BASP1: variants seen among roughly 807,000 people sequenced by gnomAD.
BASP1 encodes the protein brain acid soluble protein 1.
Under a neutral mutation model 2.2 loss-of-function variants are expected in BASP1, and 1 was observed. The ratio of observed to expected loss-of-function variants is 0.46; its 90% CI spans 0.16 to 2.17. BASP1 has a LOEUF of 2.17. Ranked by LOEUF, BASP1 falls within the 30% of genes most tolerant of loss-of-function variation. BASP1 has a pLI of 0.27. For missense variants in BASP1, 352 were observed against 327.2 expected (o/e 1.08, Z -0.58); for synonymous variants, 187 against 154.2 (o/e 1.21, Z -1.58).
intron 1 of BASP1, among the ~76,000 whole-genome samples, chr5:17,219,306 G>A (rs1336469411): frequency 6.6e-6 from 1 of 152,214 alleles, no homozygotes; most frequent in Non-Finnish European, 1.5e-5. Flanking sequence ...AGGAACAAAG[G>A]CGTTTGCCCT....
intron 1 of BASP1, among the ~76,000 whole-genome samples, chr5:17,261,058 G>A (rs1451942683): frequency 1.3e-5 from 2 of 152,120 alleles, no homozygotes; most frequent in Non-Finnish European, 2.9e-5. Flanking sequence ...AATGTAAAAG[G>A]CTTAGGCAAT....
At chr5:17,229,300 G>A (rs1441803363) in intron 1 of BASP1, among the ~76,000 whole-genome samples, 1 of 152,178 alleles carries the variant, frequency 6.6e-6, no homozygotes, top group Non-Finnish European at 1.5e-5. Context: ...GGCATGTCTT[G>A]TTAAATAAGG....
At chr5:17,259,732 T>C (rs1271125947) in intron 1 of BASP1, among the ~76,000 whole-genome samples, 1 of 152,208 alleles carries the variant, frequency 6.6e-6, no homozygotes, top group Non-Finnish European at 1.5e-5. Flanking sequence ...CAGTTATTTC[T>C]GGAGTAGGCA....
At chr5:17,270,302 C>T (rs925335053) in intron 1 of BASP1, among the ~76,000 whole-genome samples, 50 of 152,140 alleles carry the variant, frequency 3.3e-4, no homozygotes, top group African/African-American at 9.2e-4. Flanking sequence ...ACACAGCCCC[C>T]TCTTCTCTTT....
At chr5:17,243,236 CT>C (rs1292338008) in intron 1 of BASP1, among the ~76,000 whole-genome samples, 1 of 151,940 alleles carries the variant, frequency 6.6e-6, no homozygotes, top group Non-Finnish European at 1.5e-5. Context: ...GCAACCTCCA[CT>C]TTCTGGGTTC....
At chr5:17,224,084 T>C (rs1739442027) in intron 1 of BASP1, among the ~76,000 whole-genome samples, 1 of 152,228 alleles carries the variant, frequency 6.6e-6, no homozygotes, top group African/African-American at 2.4e-5. Context: ...CTTTGGAATT[T>C]CAGCTATTTG....
At chr5:17,272,073 A>G (rs1740540602) in intron 1 of BASP1, among the ~76,000 whole-genome samples, 1 of 132,954 alleles carries the variant, frequency 7.5e-6, no homozygotes, top group African/African-American at 3.1e-5. Flanking sequence ...CATTTCAAGA[A>G]AAAAAAAAAA....
At chr5:17,254,453 G>A (rs1362656251) in intron 1 of BASP1, among the ~76,000 whole-genome samples, 1 of 152,126 alleles carries the variant, frequency 6.6e-6, no homozygotes, top group Non-Finnish European at 1.5e-5. Flanking sequence ...AGATGCTTTT[G>A]CCTGACTTAG....
intron 1 of BASP1, among the ~76,000 whole-genome samples, chr5:17,247,080 G>A (rs1740006344): frequency 6.6e-6 from 1 of 152,186 alleles, no homozygotes. Context: ...AGCTACTCCG[G>A]AAGCTGAGGT....
intron 1 of BASP1, among the ~76,000 whole-genome samples, chr5:17,259,698 A>G (rs1740279776): frequency 6.6e-6 from 1 of 152,128 alleles, no homozygotes; most frequent in Non-Finnish European, 1.5e-5. Context: ...ATTTTTGGAG[A>G]CAGGAACTAC....
intron 1 of BASP1, among the ~76,000 whole-genome samples, chr5:17,240,073 C>T (rs1437821174): frequency 6.6e-6 from 1 of 151,576 alleles, no homozygotes; most frequent in Non-Finnish European, 1.5e-5. Context: ...ATGATTATTC[C>T]ACCTTCACTA....
intron 1 of BASP1, among the ~76,000 whole-genome samples, chr5:17,227,423 A>T (rs192773408): frequency 1.4e-5 from 2 of 146,688 alleles, no homozygotes; most frequent in Non-Finnish European, 3.0e-5. Flanking sequence ...ATTTTTTTTG[A>T]CAGAGTCTCG....
At chr5:17,257,359 A>G (rs1740235250) in intron 1 of BASP1, among the ~76,000 whole-genome samples, 1 of 152,222 alleles carries the variant, frequency 6.6e-6, no homozygotes, top group Non-Finnish European at 1.5e-5. Flanking sequence ...AATTGAATCA[A>G]TTCCTATTGT....
chr5:17,223,431 CAT>C (rs924439890), intron 1 of BASP1, among the ~76,000 whole-genome samples: 21 of 152,252 alleles, frequency 1.4e-4, no homozygotes, highest in Admixed American at 1.3e-3. Context: ...TATAGCTACT[CAT>C]ATGTTTGTTT....
chr5:17,239,606 G>A (rs1178822234), intron 1 of BASP1, among the ~76,000 whole-genome samples: 1 of 152,094 alleles, frequency 6.6e-6, no homozygotes, highest in Admixed American at 6.5e-5. Flanking sequence ...AATACCCTAG[G>A]CTGTCAATCT....
chr5:17,240,892 A>C (rs1739849316), intron 1 of BASP1, among the ~76,000 whole-genome samples: 1 of 152,238 alleles, frequency 6.6e-6, no homozygotes, highest in East Asian at 1.9e-4. Context: ...TTTTGATCTT[A>C]AGTTGGAAAC....
chr5:17,218,165 G>A (rs942948432), intron 1 of BASP1, among the ~76,000 whole-genome samples: 2 of 151,812 alleles, frequency 1.3e-5, no homozygotes, highest in African/African-American at 2.4e-5. Flanking sequence ...AGTGCGTTGA[G>A]TCCCGGGGAG....
chr5:17,245,955 T>C (rs1405927886), intron 1 of BASP1, among the ~76,000 whole-genome samples: 1 of 151,650 alleles, frequency 6.6e-6, no homozygotes, highest in African/African-American at 2.4e-5. Flanking sequence ...AGTCGAATAA[T>C]ACCAACGCGT....
At position 17,275,502 on chromosome 5, in the gene BASP1, G is replaced by A; in HGVS notation, c.286G>A (p.Ala96Thr). ...CGAGAAGACGGAGGGCGCGGCAGAGGCCAAGGCTGAGCCCCCGAAGGCGCC... is the reference window on the plus strand; with the variant it reads ...CGAGAAGACGGAGGGCGCGGCAGAGACCAAGGCTGAGCCCCCGAAGGCGCC... Reference protein sequence around the residue: ...EPEKTEGAAEAKAEPPKAPEQ... With the variant: ...EPEKTEGAAETKAEPPKAPEQ... Residue 96 changes from alanine (A) to threonine (T), a missense_variant, in exon 2 of 2, where the codon GCC becomes ACC. By Grantham distance (58) the Ala-to-Thr change is moderately conservative. Coordinates refer to ENST00000322611, the MANE Select transcript of BASP1 (RefSeq NM_006317.5). This position sits in a 1 kb window ranked among gnomAD's most constrained non-coding sequence, Gnocchi z 5.3. 1 of 1,462,664 alleles carries A rather than the reference G, an allele frequency of 6.8e-7. No homozygotes were observed. Among genetic ancestry groups the A allele is most frequent in the African/African-American group, 1.5e-5 (1 of 68,764 alleles). 90.6% of individuals were successfully genotyped at this position (1,462,664 alleles called of 1,614,324 possible).
Sources: gnomAD v4.1 joint callset for allele counts (sites outside exome capture counted in the v4.1 genomes callset) on GRCh38, gnomAD v4.1.1 for gene constraint, Gnocchi (gnomAD v3.1) non-coding constraint, MANE v1.5 for transcripts, NCBI Gene and HGNC (gene_info 2026-07-23, HGNC 2026-07-21) for gene names.